EVC: variants seen among roughly 807,000 people sequenced by gnomAD.
EVC encodes evC complex member EVC.
Under a neutral mutation model 118.9 loss-of-function variants are expected in EVC, and 116 were observed. The observed-to-expected ratio is 0.98, with a 90% CI of 0.84 to 1.14. The LOEUF is 1.14. Among genes scored for constraint, EVC ranks in the 50% most tolerant of loss-of-function variants. The pLI, the probability that EVC is intolerant of heterozygous loss-of-function variation, is 0.00. For missense variants in EVC, 1,401 were observed against 1,246.4 expected, an observed-to-expected ratio of 1.12 and a Z score of -1.87; for synonymous variants, 619 against 534.7, an observed-to-expected ratio of 1.16 and a Z score of -2.18.
intron 13 of EVC, among the ~76,000 whole-genome samples, chr4:5,794,927 T>C (rs764987907): frequency 1.3e-5 from 2 of 152,146 alleles, no homozygotes; most frequent in Non-Finnish European, 2.9e-5. Context: ...ATTGTTCCCA[T>C]CCTTATATCT....
At chr4:5,793,956 A>G (rs1713278637) in intron 13 of EVC, among the ~76,000 whole-genome samples, 1 of 152,086 alleles carries the variant, frequency 6.6e-6, no homozygotes, top group Admixed American at 6.6e-5. Context: ...TATAGTTTAC[A>G]TACATTTATT....
intron 15 of EVC, chr4:5,801,671 CAAAAAA>C (rs35554149): frequency 0.012 from 2,954 of 245,736 alleles, no homozygotes; most frequent in South Asian, 0.03. Flanking sequence ...GTCTCCATCT[CAAAAAA>C]AAAAAAAAAA....
At chr4:5,747,134 G>C (rs1729479452) in intron 7 of EVC, among the ~76,000 whole-genome samples, 1 of 152,082 alleles carries the variant, frequency 6.6e-6, no homozygotes, top group Non-Finnish European at 1.5e-5. Context: ...GCCCTGAGAT[G>C]GGGAGCCGCA....
At chr4:5,795,401 C>T (rs111293577) in intron 13 of EVC, among the ~76,000 whole-genome samples, 12,464 of 152,176 alleles carry the variant, frequency 0.082, 628 homozygotes, top group Admixed American at 0.12. Flanking sequence ...TCTGTAATCC[C>T]AGCACTTTGG....
chr4:5,795,102 A>G (rs1489263268), intron 13 of EVC, among the ~76,000 whole-genome samples: 2 of 152,200 alleles, frequency 1.3e-5, no homozygotes, highest in South Asian at 2.1e-4. Context: ...TCCATGGTGT[A>G]TATATACCAT....
chr4:5,736,939 TTA>T (rs1457539231), intron 5 of EVC, among the ~76,000 whole-genome samples: 1 of 152,118 alleles, frequency 6.6e-6, no homozygotes, highest in African/African-American at 2.4e-5. Flanking sequence ...AAGCTAGAAA[TTA>T]TGAAGCATAG....
At chr4:5,790,207 CTG>C (rs1217540447) in intron 12 of EVC, among the ~76,000 whole-genome samples, 2 of 130,506 alleles carry the variant, frequency 1.5e-5, no homozygotes, top group East Asian at 2.0e-4. Flanking sequence ...ACAACGATGA[CTG>C]TGCAGAATTT....
At chr4:5,762,240 T>C (rs1732176564) in intron 11 of EVC, among the ~76,000 whole-genome samples, 1 of 126,818 alleles carries the variant, frequency 7.9e-6, no homozygotes, top group South Asian at 2.9e-4. Context: ...CTCATCATTT[T>C]TTATGACTGC....
At position 5,737,238 on chromosome 4, in the gene EVC, C is replaced by A. The variant is rs1270715133; in HGVS notation, c.702+3803C>A. 6.6e-6 allele frequency among the ~76,000 whole-genome samples: 1 copy of A among 152,140 alleles called. No homozygotes were observed. Among genetic ancestry groups the A allele is most frequent in the African/African-American group, 2.4e-5 (1 of 41,430 alleles). On this transcript the variant is annotated intron_variant, in intron 5 of 20. Transcript: ENST00000264956. The surrounding 1 kb of genome is among the most constrained non-coding windows in gnomAD (Gnocchi z 5.0). ...GTGAGTGCTGAGAGAGGTGAGGAAG[C>A]TGCAGAAGAAAAATTTGAAGCTAGC...
At chr4:5,778,672 C>G (rs1298290548) in intron 11 of EVC, among the ~76,000 whole-genome samples, 3 of 152,092 alleles carry the variant, frequency 2.0e-5, no homozygotes, top group Non-Finnish European at 4.4e-5. Flanking sequence ...CCTTCGCCCA[C>G]TTTTTGATGG....
the EVC span, among the ~76,000 whole-genome samples, chr4:5,819,953 C>A: frequency 6.6e-6 from 1 of 152,172 alleles, no homozygotes; most frequent in South Asian, 2.1e-4. Context: ...AAAAGCCCTG[C>A]GTTGATGTGG....
At chr4:5,809,290 G>A (rs1027112785) in intron 18 of EVC, among the ~76,000 whole-genome samples, 2 of 152,188 alleles carry the variant, frequency 1.3e-5, no homozygotes, top group Non-Finnish European at 2.9e-5. Flanking sequence ...ACTGAAGACC[G>A]ACGGCCAGTG....
In EVC at chr4:5,738,874, T is replaced by G. The variant is rs983959966; in HGVS notation, c.703-2842T>G. ...AGCCACCGCACCCAGCCCAACAACT[T>G]TTTTTTAATAATCATCTTAGGCTCA... On this transcript the variant is annotated intron_variant, in intron 5 of 20. Transcript: ENST00000264956. This position sits in a 1 kb window ranked among gnomAD's most constrained non-coding sequence, Gnocchi z 6.5. 6.6e-6 allele frequency among the ~76,000 whole-genome samples: 1 copy of G among 151,454 alleles called. No individual in the cohort carries two copies. Among genetic ancestry groups the G allele is most frequent in the African/African-American group, 2.4e-5 (1 of 40,832 alleles).
chr4:5,714,150 C>T (rs1723548438), intron 1 of EVC, among the ~76,000 whole-genome samples: 2 of 152,204 alleles, frequency 1.3e-5, no homozygotes, highest in African/African-American at 4.8e-5. Context: ...AGAGAGATCA[C>T]CTTCTTAACT....
the EVC span, among the ~76,000 whole-genome samples, chr4:5,822,498 G>GCA: frequency 2.0e-5 from 3 of 152,068 alleles, no homozygotes; most frequent in African/African-American, 7.2e-5. Context: ...TCTGAAGGGG[G>GCA]GGGGGGTGGT....
At position 5,729,383 on chromosome 4, in the gene EVC, A is replaced by T. The variant is rs1334984151; in HGVS notation, c.377A>T (p.Lys126Met). Residue 126 changes from lysine to methionine, a missense_variant, in exon 3 of 21, where the codon AAG becomes ATG. Physicochemically the swap from Lys to Met is moderately conservative, Grantham distance 95 (BLOSUM62 -1). Coordinates refer to ENST00000264956, the MANE Select transcript of EVC (RefSeq NM_153717.3). ...KAKVIYPINQKFRPLADGSSN... is the reference protein window; with the variant it reads ...KAKVIYPINQMFRPLADGSSN... Reference sequence around the variant, plus strand: ...AAAGTCATCTACCCCATCAATCAGAAGTTCCGGGTGAGAGTCCTGAGCTCC... The same window carrying T: ...AAAGTCATCTACCCCATCAATCAGATGTTCCGGGTGAGAGTCCTGAGCTCC... 1.2e-6 allele frequency: 2 copies of T among 1,614,048 alleles called. No homozygotes were observed. The highest frequency in any genetic ancestry group is 3.3e-5 in the Admixed American group (2 of 60,006).
rs1716935172 is a variant in EVC at position 5,811,746 on chromosome 4, TA to T, written c.*710del. 1 of 103,870 alleles carries T rather than the reference TA, an allele frequency of 9.6e-6. No individual in the cohort carries two copies. Among genetic ancestry groups the T allele is most frequent in the African/African-American group, 3.7e-5 (1 of 26,680 alleles). 6.4% of individuals were successfully genotyped at this position (103,870 alleles called of 1,614,324 possible). ...GAGAAACTTCCAGACCAGCCCCTCA[TA>T]CCACAGCCAAGAGGGGCCTTTCTCA... is the stretch of plus-strand genomic sequence containing the variant. On this transcript the variant is annotated 3_prime_UTR_variant, in exon 21 of 21. Transcript: ENST00000264956.
Position 5,742,403 on chromosome 4 carries a change from C to T in EVC, c.801+589C>T, listed in dbSNP as rs1728736309. 6.6e-6 allele frequency among the ~76,000 whole-genome samples: 1 copy of T among 152,182 alleles called. No homozygotes were observed. Among genetic ancestry groups the T allele is most frequent in the Non-Finnish European group, 1.5e-5 (1 of 68,042 alleles). On this transcript the variant is annotated intron_variant, in intron 6 of 20. Coordinates refer to ENST00000264956, the MANE Select transcript of EVC (RefSeq NM_153717.3). The surrounding 1 kb of genome is among the most constrained non-coding windows in gnomAD (Gnocchi z 5.2). ...ATGGCTGCTGTCATCCTCATTATCA[C>T]AACCACCACCAAAATCATCATCATC... is the stretch of plus-strand genomic sequence containing the variant.
intron 1 of EVC, 42 bp downstream of exon 1, chr4:5,711,596 G>T: frequency 1.7e-6 from 2 of 1,164,036 alleles, no homozygotes; most frequent in Non-Finnish European, 2.1e-6. Flanking sequence ...GGGAGCGCGG[G>T]GCGCGTGGCT....
Sources: allele counts gnomAD v4.1 joint callset (sites outside exome capture counted in the v4.1 genomes callset), GRCh38; gene constraint gnomAD v4.1.1; non-coding constraint Gnocchi (gnomAD v3.1); transcripts MANE v1.5; gene names NCBI Gene and HGNC (gene_info 2026-07-23, HGNC 2026-07-21).